The following NPHP1 variants were observed in gnomAD, a reference collection of about 807,000 sequenced individuals.
NPHP1 encodes nephrocystin-1.
In NPHP1, 70 loss-of-function variants were observed where a neutral mutation model predicts 90.4. The ratio of observed to expected loss-of-function variants is 0.77; its 90% CI spans 0.64 to 0.95. The LOEUF (loss-of-function observed/expected upper bound fraction) is 0.95. NPHP1 is among the 40% of genes least tolerant of loss of function. NPHP1 has a pLI of 0.00. For synonymous variants in NPHP1, 256 were observed against 271.7 expected, an observed-to-expected ratio of 0.94 and a Z score of 0.57; for missense variants, 764 against 795.9, an observed-to-expected ratio of 0.96 and a Z score of 0.48.
At chr2:110,204,158 A>G (rs190170265) in intron 1 of NPHP1, among the ~76,000 whole-genome samples, 3 of 152,292 alleles carry the variant, frequency 2.0e-5, no homozygotes, top group Admixed American at 6.5e-5. Context: ...AGGTGCATAC[A>G]CATATGTTAC....
rs1346998327 is a variant in NPHP1 at position 110,178,525 on chromosome 2, G to C, written c.227C>G (p.Ala76Gly). The change falls in exon 4 of 20, where the codon GCA becomes GGA. Residue 76 changes from alanine (A) to glycine (G), a missense_variant. Coordinates refer to ENST00000445609, the MANE Select transcript of NPHP1 (RefSeq NM_001128178.3). The part of the protein sequence containing the change: ...LSKADESAPV[A>G]NYNQRKEEEH... ...CTCTTCTTTTCTCTGATTATAGTTT[G>C]CAACAGGTGCAGATTCATCAGCCTA... The C allele has an allele frequency of 1.9e-6, 3 of 1,613,620 alleles. No individual in the cohort carries two copies. The highest frequency in any genetic ancestry group is 1.7e-4 in the Middle Eastern group (1 of 6,058).
intron 2 of NPHP1, among the ~76,000 whole-genome samples, chr2:110,183,238 T>C (rs971300471): frequency 6.6e-6 from 1 of 152,074 alleles, no homozygotes; most frequent in African/African-American, 2.4e-5. Flanking sequence ...ATGCCCATGG[T>C]GAAGGTTGTG....
chr2:110,171,596 G>C (rs10496435), intron 4 of NPHP1, among the ~76,000 whole-genome samples: 1 of 151,878 alleles, frequency 6.6e-6, no homozygotes, highest in Admixed American at 6.6e-5. Flanking sequence ...TTTTCAACGC[G>C]TCTCTTTCCT....
chr2:110,140,350 C>T (rs1427539720), intron 16 of NPHP1, among the ~76,000 whole-genome samples: 4 of 152,054 alleles, frequency 2.6e-5, no homozygotes, highest in South Asian at 2.1e-4. Context: ...AAACATTTTT[C>T]GGGTGCCTAT....
chr2:110,197,598 C>T (rs1229969019), intron 2 of NPHP1, among the ~76,000 whole-genome samples: 1 of 152,120 alleles, frequency 6.6e-6, no homozygotes, highest in Non-Finnish European at 1.5e-5. Context: ...ATCTCTCCTA[C>T]ATCTGCTCTT....
intron 18 of NPHP1, chr2:110,126,115 T>C (rs1679346083): frequency 9.9e-6 from 2 of 202,364 alleles, no homozygotes; most frequent in Admixed American, 5.3e-5. Context: ...CAGACTGAAG[T>C]ACAATTTTGT....
At chr2:110,196,791 T>C (rs1685196426) in intron 2 of NPHP1, among the ~76,000 whole-genome samples, 1 of 152,140 alleles carries the variant, frequency 6.6e-6, no homozygotes, top group South Asian at 2.1e-4. Context: ...TAAGAAAATG[T>C]GGCACATATA....
Position 110,163,057 on chromosome 2 carries a change from G to C in NPHP1, c.850C>G (p.Leu284Val). Residue 284 changes from leucine (L) to valine (V), a missense_variant, in exon 9 of 20, where the codon CTG becomes GTG. Coordinates refer to ENST00000445609, the MANE Select transcript of NPHP1 (RefSeq NM_001128178.3). The part of the protein sequence containing the change: ...GFRPSTLSQL[L>V]EEGNQFRANY... ...GATAGGCACGCATTACCTTCCTCCA[G>C]AAGCTGTGAGAGCGTGGAAGGCCTG... 1 of 1,611,892 alleles carries C rather than the reference G, an allele frequency of 6.2e-7. No individual in the cohort carries two copies. Among genetic ancestry groups the C allele is most frequent in the Non-Finnish European group, 8.5e-7 (1 of 1,177,990 alleles).
chr2:110,149,063 T>C, intron 12 of NPHP1, among the ~76,000 whole-genome samples: 1 of 152,178 alleles, frequency 6.6e-6, no homozygotes, highest in South Asian at 2.1e-4. Flanking sequence ...TTGCCCCACA[T>C]GGCTACTCTG....
intron 19 of NPHP1, chr2:110,125,360 C>G: frequency 6.6e-7 from 1 of 1,505,794 alleles, no homozygotes; most frequent in South Asian, 1.3e-5. Context: ...AAATTTGATA[C>G]ACAACTGAGA....
At chr2:110,161,458 A>AT in intron 10 of NPHP1, 145 bp downstream of exon 10, 1 of 607,384 alleles carries the variant, frequency 1.6e-6, no homozygotes, top group Non-Finnish European at 3.0e-6. Flanking sequence ...TGCCTTAGTT[A>AT]TAAAAATATC....
rs1679301117 is a variant in NPHP1, at chr2:110,125,673, C to G, written c.1725G>C (p.Trp575Cys). Residue 575 changes from tryptophan (W) to cysteine (C), a missense_variant, in exon 19 of 20, where the codon TGG (tryptophan) becomes TGC (cysteine). Transcript: ENST00000445609. ...TTTTTAATGTGCTTTCTTTTCCAGC[C>G]CACGAACTCTAAAGAGCAAACAGAA... ...PDVMDALRSS[W>C]AGKESTLKRS... is the part of the protein sequence containing the mutation. 1.2e-6 allele frequency: 2 copies of G among 1,613,052 alleles called. No homozygotes were observed. Among genetic ancestry groups the G allele is most frequent in the African/African-American group, 1.3e-5 (1 of 74,846 alleles).
chr2:110,135,399 C>A (rs1680099528), intron 16 of NPHP1, among the ~76,000 whole-genome samples: 1 of 148,676 alleles, frequency 6.7e-6, no homozygotes, highest in Admixed American at 6.7e-5. Flanking sequence ...ATGGCGTGAA[C>A]CCGGGAGGCG....
chr2:110,190,666 T>C (rs1461100330), intron 2 of NPHP1, among the ~76,000 whole-genome samples: 1 of 152,108 alleles, frequency 6.6e-6, no homozygotes, highest in Non-Finnish European at 1.5e-5. Context: ...GCTGAAGGGC[T>C]CCTCAAGTGC....
chr2:110,151,139 C>T (rs1574099156), intron 11 of NPHP1, among the ~76,000 whole-genome samples: 1 of 137,346 alleles, frequency 7.3e-6, no homozygotes, highest in Non-Finnish European at 1.5e-5. Flanking sequence ...GCACTCCAGC[C>T]TGAGCGATGG....
intron 3 of NPHP1, 179 bp from the exon 4 acceptor site, chr2:110,178,726 A>G: frequency 1.7e-6 from 1 of 586,106 alleles, no homozygotes; most frequent in South Asian, 2.5e-5. Context: ...TGGAATGCAA[A>G]CCAAATGAAA....
intron 4 of NPHP1, among the ~76,000 whole-genome samples, chr2:110,172,403 G>T (rs1683197902): frequency 6.6e-6 from 1 of 151,336 alleles, no homozygotes; most frequent in African/African-American, 2.4e-5. Context: ...GCTCTCCTTG[G>T]GTTTGTTGTC....
rs768812486 is a variant in NPHP1 at position 110,165,095 on chromosome 2, C to G, written c.685G>C (p.Glu229Gln). The G allele has an allele frequency of 1.1e-5, 17 of 1,613,864 alleles. No individual in the cohort carries two copies. The highest frequency in any genetic ancestry group is 1.4e-5 in the Non-Finnish European group (16 of 1,179,862). The change falls in exon 7 of 20, where the codon GAG becomes CAG. Residue 229 changes from glutamate (E) to glutamine (Q), a missense_variant. By Grantham distance (29) the Glu-to-Gln change is conservative. Coordinates refer to ENST00000445609, the MANE Select transcript of NPHP1 (RefSeq NM_001128178.3). ...CCATCTGCTGTTTCATCCACCGCCT[C>G]TACATCTTCTTCACTGCCCTCTTCA... ...SSEEGSEEDV[E>Q]AVDETADGAE...
chr2:110,192,338 G>A (rs1285445039), intron 2 of NPHP1, among the ~76,000 whole-genome samples: 3 of 152,158 alleles, frequency 2.0e-5, no homozygotes, highest in Non-Finnish European at 4.4e-5. Flanking sequence ...GAAAACCATG[G>A]CACAAGAACT....
Sources: gnomAD v4.1 joint callset for allele counts (sites outside exome capture counted in the v4.1 genomes callset) on GRCh38, gnomAD v4.1.1 for gene constraint, MANE v1.5 for transcripts, NCBI Gene and HGNC (gene_info 2026-07-23, HGNC 2026-07-21) for gene names.